The following ATP9B variants were observed in gnomAD, a reference collection of about 807,000 sequenced individuals.
ATP9B encodes probable phospholipid-transporting ATPase IIB.
In ATP9B, 110 loss-of-function variants were observed where a neutral mutation model predicts 146.1. The observed-to-expected ratio is 0.75, with a 90% CI of 0.65 to 0.88. The LOEUF (loss-of-function observed/expected upper bound fraction) is 0.88. Ranked by LOEUF, ATP9B falls within the 40% of genes least tolerant of loss-of-function variation. ATP9B has a pLI of 0.00. For synonymous variants in ATP9B, 604 were observed against 569.7 expected, an observed-to-expected ratio of 1.06 and a Z score of -0.86; for missense variants, 1,499 against 1,496.4, an observed-to-expected ratio of 1.00 and a Z score of -0.03.
intron 7 of ATP9B, among the ~76,000 whole-genome samples, chr18:79,157,591 A>AT (rs1324541362): frequency 6.6e-6 from 1 of 152,138 alleles, no homozygotes; most frequent in African/African-American, 2.4e-5. Context: ...GTTTGATAGA[A>AT]TTCGCCCATG....
At chr18:79,342,013 C>CT (rs2096862101) in intron 19 of ATP9B, among the ~76,000 whole-genome samples, 1 of 152,212 alleles carries the variant, frequency 6.6e-6, no homozygotes, top group Admixed American at 6.5e-5. Flanking sequence ...AGTATTTGTC[C>CT]TTTTGTGACT....
At chr18:79,148,053 G>A (rs1294482274) in intron 6 of ATP9B, among the ~76,000 whole-genome samples, 2 of 152,138 alleles carry the variant, frequency 1.3e-5, no homozygotes, top group Non-Finnish European at 2.9e-5. Flanking sequence ...ACACCTTGAT[G>A]CTCATAAATA....
At chr18:79,376,249 C>A in intron 29 of ATP9B, 1 of 980,562 alleles carries the variant, frequency 1.0e-6, no homozygotes, top group Non-Finnish European at 1.2e-6. Context: ...CCTAGATCGT[C>A]CAAACAAATC....
At chr18:79,343,782 A>T (rs2096871306) in intron 20 of ATP9B, 1 of 199,688 alleles carries the variant, frequency 5.0e-6, no homozygotes. Context: ...TAACGCTGCG[A>T]GTCAGTGACT....
intron 12 of ATP9B, among the ~76,000 whole-genome samples, chr18:79,261,697 C>T (rs976950781): frequency 6.6e-6 from 1 of 152,134 alleles, no homozygotes; most frequent in African/African-American, 2.4e-5. Flanking sequence ...TTACAAAATG[C>T]TTCATCCCCT....
chr18:79,273,706 G>T (rs1355532514), intron 12 of ATP9B, among the ~76,000 whole-genome samples: 1 of 152,174 alleles, frequency 6.6e-6, no homozygotes, highest in African/African-American at 2.4e-5. Context: ...AAGCATCGTG[G>T]TGCCTAAATA....
intron 19 of ATP9B, among the ~76,000 whole-genome samples, chr18:79,338,025 A>G (rs752739275): frequency 4.6e-5 from 7 of 152,124 alleles, no homozygotes; most frequent in African/African-American, 7.2e-5. Context: ...AGTGCATGAG[A>G]ACCCAGACCT....
intron 9 of ATP9B, among the ~76,000 whole-genome samples, chr18:79,201,019 G>C (rs755711095): frequency 2.6e-5 from 4 of 152,212 alleles, no homozygotes; most frequent in Admixed American, 6.5e-5. Context: ...TGAGGCACAA[G>C]ACGTGTGCTG....
chr18:79,294,033 T>C (rs1381840484), intron 13 of ATP9B, among the ~76,000 whole-genome samples: 1 of 152,108 alleles, frequency 6.6e-6, no homozygotes, highest in Non-Finnish European at 1.5e-5. Flanking sequence ...GTTGGGAATC[T>C]CAGAACTTGA....
intron 14 of ATP9B, among the ~76,000 whole-genome samples, chr18:79,304,065 A>G (rs1320252199): frequency 6.6e-6 from 1 of 151,962 alleles, no homozygotes; most frequent in Non-Finnish European, 1.5e-5. Context: ...TCTATAATAA[A>G]ATGTTCTCAT....
intron 8 of ATP9B, among the ~76,000 whole-genome samples, chr18:79,182,022 T>G (rs1600230368): frequency 6.6e-6 from 1 of 152,262 alleles, no homozygotes; most frequent in Non-Finnish European, 1.5e-5. Flanking sequence ...ATTTCTATCT[T>G]TAAAGCATCT....
At chr18:79,132,841 T>C (rs989310768) in intron 5 of ATP9B, among the ~76,000 whole-genome samples, 1 of 152,182 alleles carries the variant, frequency 6.6e-6, no homozygotes, top group African/African-American at 2.4e-5. Context: ...TGGAAGAATG[T>C]TCTCTGTTAC....
At chr18:79,193,287 A>G (rs375493326) in intron 9 of ATP9B, 24 bp downstream of exon 9, 39 of 1,535,252 alleles carry the variant, frequency 2.5e-5, no homozygotes, top group Non-Finnish European at 3.2e-5. Context: ...GTTGTTCAAT[A>G]CAAATAGAGT....
At chr18:79,318,553 T>C (rs1224455852) in intron 15 of ATP9B, among the ~76,000 whole-genome samples, 1 of 152,168 alleles carries the variant, frequency 6.6e-6, no homozygotes, top group African/African-American at 2.4e-5. Flanking sequence ...AAATGTGACA[T>C]CCCGGATGGG....
chr18:79,277,032 T>C (rs201714231), intron 12 of ATP9B, 22 bp from the exon 13 acceptor site: 15 of 1,613,822 alleles, frequency 9.3e-6, no homozygotes, highest in Middle Eastern at 1.6e-4. Context: ...CACTAACCAC[T>C]GCAATGGGTT....
intron 7 of ATP9B, among the ~76,000 whole-genome samples, chr18:79,157,421 A>C (rs1021424838): frequency 6.7e-6 from 1 of 150,034 alleles, no homozygotes; most frequent in Non-Finnish European, 1.5e-5. Flanking sequence ...AAAAAAAAAA[A>C]AAACATGTAT....
intron 12 of ATP9B, among the ~76,000 whole-genome samples, chr18:79,273,015 A>G (rs1455124180): frequency 1.3e-5 from 2 of 152,236 alleles, no homozygotes; most frequent in Non-Finnish European, 2.9e-5. Flanking sequence ...AGGCACTGGA[A>G]GGAAAAGGGA....
At chr18:79,249,585 G>A (rs576334324) in intron 11 of ATP9B, among the ~76,000 whole-genome samples, 4 of 152,194 alleles carry the variant, frequency 2.6e-5, no homozygotes, top group African/African-American at 9.6e-5. Flanking sequence ...GGTCTGTCCA[G>A]GTATTTAAGA....
chr18:79,327,570 T>A (rs1276339863), intron 15 of ATP9B, among the ~76,000 whole-genome samples: 5 of 125,844 alleles, frequency 4.0e-5, no homozygotes, highest in Non-Finnish European at 6.8e-5. Flanking sequence ...CTCTCCGTGG[T>A]TAGCGTGCTC....
Sources: gnomAD v4.1 joint callset for allele counts (sites outside exome capture counted in the v4.1 genomes callset) on GRCh38, gnomAD v4.1.1 for gene constraint, MANE v1.5 for transcripts, NCBI Gene and HGNC (gene_info 2026-07-23, HGNC 2026-07-21) for gene names.